Variants in OPCML observed in about 807,000 individuals in gnomAD.
OPCML encodes opioid-binding protein/cell adhesion molecule.
OPCML carries 13 observed loss-of-function variants against 37.8 expected under a neutral mutation model. The ratio of observed to expected loss-of-function variants is 0.34; its 90% CI spans 0.22 to 0.55. The LOEUF is 0.55. Among genes scored for constraint, OPCML ranks in the 20% least tolerant of loss-of-function variants. The pLI, the probability that OPCML is intolerant of heterozygous loss-of-function variation, is 0.91. For synonymous variants in OPCML, 176 were observed against 168.8 expected, an observed-to-expected ratio of 1.04 and a Z score of -0.33; for missense variants, 341 against 435.6, an observed-to-expected ratio of 0.78 and a Z score of 1.93.
chr11:132,415,923 C>G lies in OPCML; in HGVS notation c.*4270G>C, dbSNP rs1276255170. The G allele has an allele frequency of 2.0e-5, 3 of 152,574 alleles. No homozygotes were observed. Among genetic ancestry groups the G allele is most frequent in the Admixed American group, 1.3e-4 (2 of 15,268 alleles). The allele number at this position is 152,574 out of a possible 1,614,324, so 9.5% of individuals were successfully genotyped here. ...ATTAGGCGTTCTCATCATATGGTCT[C>G]TTTTTGAAAATGTTGCCTTCCTACT... On this transcript the variant is annotated 3_prime_UTR_variant, in exon 8 of 8. Transcript: ENST00000524381.
At chr11:132,714,221 T>A (rs1390795063) in intron 2 of OPCML, among the ~76,000 whole-genome samples, 1 of 152,202 alleles carries the variant, frequency 6.6e-6, no homozygotes, top group Non-Finnish European at 1.5e-5. Context: ...GCCTACTTCC[T>A]TTCCTTAAGA....
chr11:133,014,374 C>G (rs1947278903), intron 1 of OPCML, among the ~76,000 whole-genome samples: 1 of 151,906 alleles, frequency 6.6e-6, no homozygotes, highest in African/African-American at 2.4e-5. Context: ...CAACTAAGAA[C>G]CTATGGGGAT....
intron 1 of OPCML, among the ~76,000 whole-genome samples, chr11:133,184,666 G>A (rs978965684): frequency 6.6e-6 from 1 of 152,196 alleles, no homozygotes; most frequent in Non-Finnish European, 1.5e-5. Context: ...AGACGGGGAA[G>A]TCTACTTCCG....
At chr11:133,296,741 T>C (rs1161467697) in intron 1 of OPCML, among the ~76,000 whole-genome samples, 1 of 152,202 alleles carries the variant, frequency 6.6e-6, no homozygotes, top group Non-Finnish European at 1.5e-5. Context: ...TTAAGACTGT[T>C]TTCTTCTATT....
At chr11:133,258,283 T>C (rs1213519183) in intron 1 of OPCML, among the ~76,000 whole-genome samples, 5 of 152,224 alleles carry the variant, frequency 3.3e-5, no homozygotes, top group African/African-American at 1.2e-4. Context: ...AAGATCTTTT[T>C]ATTTCTGTGA....
intron 2 of OPCML, among the ~76,000 whole-genome samples, chr11:132,734,108 A>G (rs1483669771): frequency 6.6e-6 from 1 of 152,212 alleles, no homozygotes; most frequent in Non-Finnish European, 1.5e-5. Context: ...TAAAGTACTT[A>G]TCATAATTCT....
intron 1 of OPCML, among the ~76,000 whole-genome samples, chr11:133,189,251 T>C (rs1938210299): frequency 6.6e-6 from 1 of 152,208 alleles, no homozygotes; most frequent in Non-Finnish European, 1.5e-5. Context: ...ATAAAAAATA[T>C]GATTTTCCAT....
rs1477041886 is a variant in OPCML, at chr11:133,141,009, C to CGAAGACGAA, written c.62-198000_62-197999insTTCGTCTTC. 3.6e-3 allele frequency among the ~76,000 whole-genome samples: 22 copies of CGAAGACGAA among 6,138 alleles called. 2 individuals are homozygous for CGAAGACGAA. Among genetic ancestry groups the CGAAGACGAA allele is most frequent in the African/African-American group, 7.0e-3 (18 of 2,554 alleles). 4.0% of individuals were successfully genotyped at this position (6,138 alleles called of 152,430 possible). A position where few individuals can be genotyped will look rare whatever the true frequency, so the allele number is the denominator to read the frequency against. On this transcript the variant is annotated intron_variant, in intron 1 of 7. Transcript: ENST00000524381. ...AAGAAGAAGAAGAAGACGACGACGACGACGACGACGACGACGACGACGACG... is the reference window on the plus strand; with the variant it reads ...AAGAAGAAGAAGAAGACGACGACGACGAAGACGAAGACGACGACGACGACGACGACGACG...
intron 1 of OPCML, among the ~76,000 whole-genome samples, chr11:133,215,324 C>T (rs1486343330): frequency 6.6e-6 from 1 of 152,182 alleles, no homozygotes; most frequent in Non-Finnish European, 1.5e-5. Context: ...TTGATGAACT[C>T]TAGTCATTCT....
intron 1 of OPCML, among the ~76,000 whole-genome samples, chr11:133,037,154 C>T (rs1257578542): frequency 6.6e-6 from 1 of 152,128 alleles, no homozygotes; most frequent in African/African-American, 2.4e-5. Context: ...ATGGCTGAAT[C>T]AATGGAAAAT....
At chr11:133,235,269 A>G (rs1241391553) in intron 1 of OPCML, among the ~76,000 whole-genome samples, 1 of 152,204 alleles carries the variant, frequency 6.6e-6, no homozygotes, top group Admixed American at 6.5e-5. Flanking sequence ...AGTAACCCTC[A>G]GTAAGAGACC....
At chr11:132,906,509 G>A (rs1307655313) in intron 2 of OPCML, among the ~76,000 whole-genome samples, 1 of 152,104 alleles carries the variant, frequency 6.6e-6, no homozygotes, top group Non-Finnish European at 1.5e-5. Flanking sequence ...TTTAGATTGT[G>A]TAGGCACCAT....
chr11:133,453,382 TAAACTC>T (rs999891888), intron 1 of OPCML, among the ~76,000 whole-genome samples: 2 of 152,202 alleles, frequency 1.3e-5, no homozygotes, highest in African/African-American at 4.8e-5. Context: ...GCTAGAATGT[TAAACTC>T]TGACGGAAGA....
chr11:133,352,586 G>A (rs1041121754), intron 1 of OPCML, among the ~76,000 whole-genome samples: 4 of 152,080 alleles, frequency 2.6e-5, no homozygotes, highest in African/African-American at 9.7e-5. Context: ...ATGTAAATAG[G>A]GAATCTTTCT....
intron 1 of OPCML, among the ~76,000 whole-genome samples, chr11:133,522,373 G>A (rs1336616319): frequency 6.6e-6 from 1 of 152,198 alleles, no homozygotes; most frequent in Non-Finnish European, 1.5e-5. Flanking sequence ...GTACTACCCT[G>A]AACATATTCT....
chr11:132,653,350 C>T (rs1941532490), intron 3 of OPCML, among the ~76,000 whole-genome samples: 2 of 152,208 alleles, frequency 1.3e-5, no homozygotes, highest in African/African-American at 4.8e-5. Context: ...GGCTGCACTG[C>T]TTAGCGGGGA....
chr11:133,123,671 A>G (rs993660785), intron 1 of OPCML, among the ~76,000 whole-genome samples: 1 of 151,874 alleles, frequency 6.6e-6, no homozygotes, highest in African/African-American at 2.4e-5. Context: ...TTAAAAACCC[A>G]TGCACCCAAC....
intron 2 of OPCML, among the ~76,000 whole-genome samples, chr11:132,862,455 C>T (rs1942343123): frequency 1.3e-5 from 2 of 148,454 alleles, no homozygotes; most frequent in Admixed American, 6.8e-5. Context: ...TCATAAACAT[C>T]ATCGTATCTA....
chr11:133,388,066 A>C (rs1945094879), intron 1 of OPCML, among the ~76,000 whole-genome samples: 1 of 152,034 alleles, frequency 6.6e-6, no homozygotes, highest in African/African-American at 2.4e-5. Context: ...TTTTATTCGG[A>C]GTCTTAAGGG....
Sources: gnomAD v4.1 joint callset for allele counts (sites outside exome capture counted in the v4.1 genomes callset) on GRCh38, gnomAD v4.1.1 for gene constraint, MANE v1.5 for transcripts, NCBI Gene and HGNC (gene_info 2026-07-23, HGNC 2026-07-21) for gene names.